LHFPL3: variants seen among roughly 807,000 people sequenced by gnomAD.
The protein encoded by LHFPL3 is LHFPL tetraspan subfamily member 3 protein.
In LHFPL3, 5 loss-of-function variants were observed where a neutral mutation model predicts 19.3. The ratio of observed to expected loss-of-function variants is 0.26; its 90% CI spans 0.14 to 0.54. The LOEUF (loss-of-function observed/expected upper bound fraction) is 0.54. LHFPL3 is among the 20% of genes least tolerant of loss of function. The pLI is 0.94. For missense variants in LHFPL3, 249 were observed against 307.4 expected (o/e 0.81, Z 1.42); for synonymous variants, 133 against 126.2 (o/e 1.05, Z -0.36).
At chr7:104,707,038 A>G (rs1286652551) in intron 1 of LHFPL3, among the ~76,000 whole-genome samples, 2 of 152,200 alleles carry the variant, frequency 1.3e-5, no homozygotes, top group African/African-American at 2.4e-5. Context: ...TCTTCATTCT[A>G]AATTTGACAC....
At chr7:104,884,807 C>A (rs148939041) in intron 2 of LHFPL3, among the ~76,000 whole-genome samples, 2 of 152,138 alleles carry the variant, frequency 1.3e-5, no homozygotes, top group African/African-American at 4.8e-5. Flanking sequence ...GAGACTTTGT[C>A]TGCACCTGGA....
intron 2 of LHFPL3, among the ~76,000 whole-genome samples, chr7:104,887,175 G>A (rs1372396529): frequency 2.0e-5 from 3 of 152,178 alleles, no homozygotes; most frequent in African/African-American, 4.8e-5. Flanking sequence ...TTAGCTCCAC[G>A]GTGAATAACA....
At chr7:104,559,953 G>T (rs368439736) in intron 1 of LHFPL3, among the ~76,000 whole-genome samples, 32 of 150,152 alleles carry the variant, frequency 2.1e-4, no homozygotes, top group East Asian at 5.8e-4. Context: ...GGTTTTTGTC[G>T]TTGGTTCTGT....
intron 1 of LHFPL3, among the ~76,000 whole-genome samples, chr7:104,555,784 T>C (rs998987385): frequency 3.3e-5 from 5 of 152,032 alleles, no homozygotes; most frequent in Admixed American, 3.3e-4. Flanking sequence ...GTCCAACATC[T>C]CACCTGAGAC....
intron 2 of LHFPL3, among the ~76,000 whole-genome samples, chr7:104,794,364 C>T (rs1790077439): frequency 1.3e-5 from 2 of 152,136 alleles, no homozygotes; most frequent in African/African-American, 4.8e-5. Flanking sequence ...GGCAAAGTTG[C>T]CACAGGCCTT....
At chr7:104,642,710 C>G (rs1188920191) in intron 1 of LHFPL3, among the ~76,000 whole-genome samples, 2 of 152,190 alleles carry the variant, frequency 1.3e-5, no homozygotes, top group African/African-American at 4.8e-5. Flanking sequence ...GCCTGGGCCC[C>G]CACTCTCACA....
At chr7:104,756,940 A>G (rs1219972962) in intron 2 of LHFPL3, among the ~76,000 whole-genome samples, 1 of 152,218 alleles carries the variant, frequency 6.6e-6, no homozygotes, top group East Asian at 1.9e-4. Flanking sequence ...TTAAATTTAA[A>G]TGTGCCTTTA....
chr7:104,574,276 C>T (rs566993505), intron 1 of LHFPL3, among the ~76,000 whole-genome samples: 15 of 152,316 alleles, frequency 9.8e-5, no homozygotes, highest in African/African-American at 3.6e-4. Context: ...CATGTCACAT[C>T]AGTCCACCAG....
chr7:104,515,995 C>T (rs887000653), intron 1 of LHFPL3, among the ~76,000 whole-genome samples: 3 of 152,094 alleles, frequency 2.0e-5, no homozygotes, highest in Admixed American at 2.0e-4. Context: ...GCACCCCACT[C>T]TACTCTACTG....
chr7:104,709,439 C>T (rs1438759031), intron 1 of LHFPL3, among the ~76,000 whole-genome samples: 1 of 125,110 alleles, frequency 8.0e-6, no homozygotes, highest in Non-Finnish European at 1.8e-5. Context: ...TGACTCTTAA[C>T]GAGCATGCTG....
At chr7:104,557,798 A>C (rs1360880664) in intron 1 of LHFPL3, among the ~76,000 whole-genome samples, 4 of 150,672 alleles carry the variant, frequency 2.7e-5, no homozygotes, top group African/African-American at 9.8e-5. Context: ...ATCTAGCATT[A>C]GGTATATCTC....
chr7:104,885,242 T>C (rs764941217), intron 2 of LHFPL3, among the ~76,000 whole-genome samples: 7 of 152,182 alleles, frequency 4.6e-5, no homozygotes, highest in Non-Finnish European at 1.0e-4. Context: ...CCCAAACCAT[T>C]TCTCCTCCCT....
chr7:104,431,567 C>A (rs1415085677), intron 1 of LHFPL3, among the ~76,000 whole-genome samples: 2 of 152,070 alleles, frequency 1.3e-5, no homozygotes, highest in Non-Finnish European at 2.9e-5. Context: ...TATTTTTCAT[C>A]TTTTTAAAGT....
chr7:104,567,478 A>G (rs1053717649), intron 1 of LHFPL3, among the ~76,000 whole-genome samples: 1 of 152,244 alleles, frequency 6.6e-6, no homozygotes, highest in African/African-American at 2.4e-5. Flanking sequence ...AAGCTGGTGC[A>G]TTGATCCAAC....
chr7:104,430,408 A>G (rs188747804), intron 1 of LHFPL3, among the ~76,000 whole-genome samples: 369 of 32,204 alleles, frequency 0.011, 7 homozygotes, highest in African/African-American at 0.032. Context: ...ATATATACAT[A>G]TATATATATA....
intron 1 of LHFPL3, among the ~76,000 whole-genome samples, chr7:104,613,358 A>G (rs1202455655): frequency 6.6e-6 from 1 of 152,174 alleles, no homozygotes; most frequent in Non-Finnish European, 1.5e-5. Flanking sequence ...GAATTTTAAG[A>G]AGGATAAGAA....
intron 1 of LHFPL3, among the ~76,000 whole-genome samples, chr7:104,355,690 C>G (rs1790259198): frequency 6.6e-6 from 1 of 152,162 alleles, no homozygotes; most frequent in Admixed American, 6.5e-5. Flanking sequence ...GTTGGTTGCC[C>G]TCCATTGTAG....
intron 1 of LHFPL3, among the ~76,000 whole-genome samples, chr7:104,436,928 C>A (rs1458229824): frequency 6.6e-6 from 1 of 152,140 alleles, no homozygotes; most frequent in Non-Finnish European, 1.5e-5. Flanking sequence ...TTAGAGGTGA[C>A]ACATACTTTT....
In LHFPL3 at chr7:104,900,135, C is replaced by A. The variant is rs118035161; in HGVS notation, c.683-6052C>A. On this transcript the variant is annotated intron_variant, in intron 2 of 2. Coordinates refer to ENST00000424859, the MANE Select transcript of LHFPL3 (RefSeq NM_199000.3). ...CTGGGCTTCAATAGTAAAAGCCTTT[C>A]AACCTATGTAAAATATGGAATGGCT... Among the ~76,000 whole-genome samples, 399 of 152,342 alleles carry A rather than the reference C, an allele frequency of 2.6e-3. 10 individuals are homozygous for A. The East Asian group carries it at 0.035, about 13-fold the overall frequency.
Sources: gnomAD v4.1 joint callset for allele counts (sites outside exome capture counted in the v4.1 genomes callset) on GRCh38, gnomAD v4.1.1 for gene constraint, MANE v1.5 for transcripts, NCBI Gene and HGNC (gene_info 2026-07-23, HGNC 2026-07-21) for gene names.